CDH13: variants seen among roughly 807,000 people sequenced by gnomAD.
The protein encoded by CDH13 is cadherin 13.
A neutral mutation model predicts 63.8 loss-of-function variants in CDH13; 24 were observed. The ratio of observed to expected loss-of-function variants is 0.38; its 90% CI spans 0.27 to 0.53. The LOEUF (loss-of-function observed/expected upper bound fraction) is 0.53, where lower values mean the gene tolerates loss of function less well. Ranked by LOEUF, CDH13 falls within the 20% of genes least tolerant of loss-of-function variation. CDH13 has a pLI of 0.85. For missense variants in CDH13, 1,049 were observed against 903.1 expected (o/e 1.16, Z -2.07); for synonymous variants, 503 against 355.3 (o/e 1.42, Z -4.67).
chr16:82,780,754 C>T (rs1209832700), intron 1 of CDH13, among the ~76,000 whole-genome samples: 2 of 152,200 alleles, frequency 1.3e-5, no homozygotes, highest in Admixed American at 6.5e-5. Flanking sequence ...CCCATGCTGA[C>T]AGCTTTTTTC....
intron 10 of CDH13, among the ~76,000 whole-genome samples, chr16:83,683,968 A>T (rs1904279126): frequency 6.6e-6 from 1 of 152,220 alleles, no homozygotes; most frequent in Non-Finnish European, 1.5e-5. Flanking sequence ...ACTTGCTTCC[A>T]CTTTCAGCGT....
At chr16:82,790,810 A>G (rs1057039140) in intron 1 of CDH13, among the ~76,000 whole-genome samples, 2 of 152,084 alleles carry the variant, frequency 1.3e-5, no homozygotes, top group Admixed American at 6.5e-5. Flanking sequence ...TCTTGTGAGA[A>G]CTCACTCACT....
Position 83,500,091 on chromosome 16 carries a change from C to T in CDH13, c.960+13436C>T, listed in dbSNP as rs1276728058. 3.3e-5 allele frequency among the ~76,000 whole-genome samples: 5 copies of T among 151,896 alleles called. No homozygotes were observed. The East Asian group carries it at 9.7e-4, about 29-fold the overall frequency. On this transcript the variant is annotated intron_variant, in intron 7 of 13. Coordinates refer to ENST00000567109, the MANE Select transcript of CDH13 (RefSeq NM_001257.5). ...GCCCTGGGATTACAGGTGTGAGCCA[C>T]TGCACCCGGCCCAATTCTGTTAATC...
intron 4 of CDH13, among the ~76,000 whole-genome samples, chr16:83,209,110 T>C (rs2039263126): frequency 1.3e-5 from 2 of 152,180 alleles, no homozygotes; most frequent in African/African-American, 2.4e-5. Context: ...AGGGGTTTTA[T>C]TGGATGCTTC....
intron 2 of CDH13, chr16:83,023,111 CCCT>C (rs1455305515): frequency 6.6e-6 from 1 of 152,114 alleles, no homozygotes; most frequent in Non-Finnish European, 1.5e-5. Flanking sequence ...AAGATTAAGC[CCCT>C]TAATTCACAT....
intron 6 of CDH13, among the ~76,000 whole-genome samples, chr16:83,417,802 C>G (rs1597972933): frequency 6.6e-6 from 1 of 152,214 alleles, no homozygotes; most frequent in East Asian, 1.9e-4. Flanking sequence ...TTGAACAAAT[C>G]CCTCTCTGCT....
chr16:82,879,638 TA>T (rs1031567803), intron 2 of CDH13, among the ~76,000 whole-genome samples: 64 of 140,356 alleles, frequency 4.6e-4, no homozygotes, highest in African/African-American at 1.6e-3. Flanking sequence ...ATATCTATTA[TA>T]TGTTACATAT....
chr16:82,885,702 A>T (rs1451585803), intron 2 of CDH13, among the ~76,000 whole-genome samples: 1 of 152,168 alleles, frequency 6.6e-6, no homozygotes, highest in Non-Finnish European at 1.5e-5. Context: ...ATTGGTTACA[A>T]GCACAAGATC....
intron 1 of CDH13, among the ~76,000 whole-genome samples, chr16:82,682,365 T>C (rs1914640215): frequency 6.6e-6 from 1 of 152,158 alleles, no homozygotes; most frequent in African/African-American, 2.4e-5. Flanking sequence ...AAAGTTTTCA[T>C]TGAAAAACAC....
At chr16:83,760,604 T>C (rs949181623) in intron 11 of CDH13, among the ~76,000 whole-genome samples, 5 of 152,222 alleles carry the variant, frequency 3.3e-5, no homozygotes, top group Non-Finnish European at 5.9e-5. Flanking sequence ...ACATGCTAAA[T>C]GACTGCATTT....
intron 2 of CDH13, among the ~76,000 whole-genome samples, chr16:83,014,867 TG>T (rs1410066159): frequency 7.9e-5 from 10 of 127,346 alleles, no homozygotes; most frequent in Admixed American, 2.5e-4. Context: ...TATATATATA[TG>T]TATATATATA....
intron 1 of CDH13, among the ~76,000 whole-genome samples, chr16:82,678,639 T>G (rs1046660386): frequency 1.3e-5 from 2 of 152,202 alleles, no homozygotes; most frequent in African/African-American, 4.8e-5. Flanking sequence ...TTTGGATCTT[T>G]CCTTGAAGCT....
chr16:83,400,103 G>A (rs1238296922), intron 6 of CDH13, among the ~76,000 whole-genome samples: 2 of 151,728 alleles, frequency 1.3e-5, no homozygotes, highest in South Asian at 2.1e-4. Flanking sequence ...GCATGCTGAG[G>A]CCTAGATAAT....
At chr16:83,004,194 T>A (rs565018045) in intron 2 of CDH13, among the ~76,000 whole-genome samples, 1 of 152,170 alleles carries the variant, frequency 6.6e-6, no homozygotes, top group African/African-American at 2.4e-5. Flanking sequence ...ACCGTGAGTA[T>A]CTGTGTTCCC....
At chr16:82,938,114 C>T (rs1450621765) in intron 2 of CDH13, among the ~76,000 whole-genome samples, 1 of 152,196 alleles carries the variant, frequency 6.6e-6, no homozygotes, top group Non-Finnish European at 1.5e-5. Context: ...ACTTTTTCCA[C>T]TTGGCATTTA....
chr16:82,908,474 C>A (rs1389059270), intron 2 of CDH13, among the ~76,000 whole-genome samples: 6 of 152,218 alleles, frequency 3.9e-5, no homozygotes, highest in African/African-American at 1.4e-4. Context: ...CAGGGGCCAC[C>A]TGCCCAGCAG....
chr16:83,664,817 C>T (rs910749433), intron 8 of CDH13, among the ~76,000 whole-genome samples: 3 of 152,066 alleles, frequency 2.0e-5, no homozygotes, highest in East Asian at 1.9e-4. Flanking sequence ...GGATGTATGA[C>T]AGTGAAGGAA....
At chr16:82,849,132 G>A (rs534037382) in intron 1 of CDH13, among the ~76,000 whole-genome samples, 29 of 152,284 alleles carry the variant, frequency 1.9e-4, no homozygotes, top group African/African-American at 7.0e-4. Flanking sequence ...AGGTGAAGAA[G>A]CTGCAGGAGA....
At chr16:83,388,926 G>A (rs1462648494) in intron 6 of CDH13, among the ~76,000 whole-genome samples, 7 of 152,166 alleles carry the variant, frequency 4.6e-5, no homozygotes, top group African/African-American at 1.7e-4. Context: ...TGGGAGAAGC[G>A]TTGGTCTAAA....
Sources: allele counts gnomAD v4.1 joint callset (sites outside exome capture counted in the v4.1 genomes callset), GRCh38; gene constraint gnomAD v4.1.1; transcripts MANE v1.5; gene names NCBI Gene and HGNC (gene_info 2026-07-23, HGNC 2026-07-21).